OPHN1: variants seen among roughly 807,000 people sequenced by gnomAD.
OPHN1 encodes the protein oligophrenin-1.
A neutral mutation model predicts 60.7 loss-of-function variants in OPHN1; 11 were observed. The observed-to-expected ratio is 0.18, with a 90% CI of 0.11 to 0.30. The LOEUF is 0.30. Ranked by LOEUF, OPHN1 falls within the 10% of genes least tolerant of loss-of-function variation. The pLI, the probability that OPHN1 is intolerant of heterozygous loss-of-function variation, is 1.00. For synonymous variants in OPHN1, 226 were observed against 222.6 expected (o/e 1.02, Z -0.14); for missense variants, 449 against 611.0 (o/e 0.73, Z 2.80).
chrX:68,182,197 T>TTTTG (rs1555950149), intron 15 of OPHN1, among the ~76,000 whole-genome samples: 2 of 97,692 alleles, frequency 2.0e-5, no homozygotes, highest in African/African-American at 7.5e-5. Flanking sequence ...AGTTTTTTTT[T>TTTTG]TTTTTTTTTT....
intron 21 of OPHN1, among the ~76,000 whole-genome samples, chrX:68,055,867 A>G (rs939171703): frequency 1.8e-5 from 2 of 111,061 alleles, no homozygotes; most frequent in Non-Finnish European, 3.8e-5. Context: ...AAAACCAAAC[A>G]CCGCACGTTC....
At chrX:68,160,483 C>T (rs978158947) in intron 15 of OPHN1, among the ~76,000 whole-genome samples, 2 of 111,295 alleles carry the variant, frequency 1.8e-5, no homozygotes, top group African/African-American at 6.5e-5. Flanking sequence ...AACACACATT[C>T]TCCTCAAATA....
intron 4 of OPHN1, among the ~76,000 whole-genome samples, chrX:68,282,737 G>C (rs779865611): frequency 6.8e-4 from 76 of 111,426 alleles, no homozygotes; most frequent in Non-Finnish European, 1.2e-3. Context: ...TTAACAAATG[G>C]ATAATTTGGC....
chrX:68,232,524 G>A (rs2077733624), intron 6 of OPHN1, among the ~76,000 whole-genome samples: 1 of 111,533 alleles, frequency 9.0e-6, no homozygotes. Context: ...GTTTTACTGC[G>A]GGGCTAGTTA....
At chrX:68,369,764 C>T (rs781411341) in intron 2 of OPHN1, among the ~76,000 whole-genome samples, 3 of 108,060 alleles carry the variant, frequency 2.8e-5, no homozygotes, top group Non-Finnish European at 3.8e-5. Flanking sequence ...AAATAATGGC[C>T]AAAAATGTCC....
chrX:68,289,625 G>A (rs1245517457), intron 3 of OPHN1, among the ~76,000 whole-genome samples: 1 of 112,156 alleles, frequency 8.9e-6, no homozygotes, highest in Non-Finnish European at 1.9e-5. Flanking sequence ...CAAGGCAGGA[G>A]GATTGCTCAA....
intron 2 of OPHN1, among the ~76,000 whole-genome samples, chrX:68,390,707 A>C (rs776773376): frequency 1.6e-4 from 18 of 112,205 alleles, no homozygotes; most frequent in South Asian, 7.5e-4. Flanking sequence ...TCAAGACGTA[A>C]ATGGTCCCTG....
chrX:68,343,779 C>G (rs1438631742), intron 2 of OPHN1, among the ~76,000 whole-genome samples: 1 of 111,517 alleles, frequency 9.0e-6, no homozygotes, highest in Non-Finnish European at 1.9e-5. Context: ...TCTTGAATAG[C>G]TCTTGTGACT....
At chrX:68,174,061 T>A (rs1231456201) in intron 15 of OPHN1, among the ~76,000 whole-genome samples, 1 of 111,885 alleles carries the variant, frequency 8.9e-6, no homozygotes, top group Non-Finnish European at 1.9e-5. Context: ...CTTTTGTGAA[T>A]CAATGAACAA....
chrX:68,137,801 A>G (rs2077226943), intron 15 of OPHN1, among the ~76,000 whole-genome samples: 1 of 111,667 alleles, frequency 9.0e-6, no homozygotes, highest in African/African-American at 3.3e-5. Context: ...TATGAGTACC[A>G]TTTTATTAAT....
At chrX:68,251,375 G>A (rs1030428041) in intron 5 of OPHN1, among the ~76,000 whole-genome samples, 17 of 108,006 alleles carry the variant, frequency 1.6e-4, no homozygotes, top group African/African-American at 5.4e-4. Context: ...TAGTAGAGAC[G>A]GGATTTCACC....
At chrX:68,377,242 G>A (rs1268827858) in intron 2 of OPHN1, among the ~76,000 whole-genome samples, 1 of 107,243 alleles carries the variant, frequency 9.3e-6, no homozygotes, top group East Asian at 2.9e-4. Context: ...GACTACAGGC[G>A]CCCGCTACCA....
chrX:68,044,087 A>G lies in OPHN1; in HGVS notation c.*3085T>C, dbSNP rs2076824909. The G allele has an allele frequency of 8.9e-6, 1 of 112,880 alleles. No individual in the cohort carries two copies. Among genetic ancestry groups the G allele is most frequent in the Admixed American group, 9.4e-5 (1 of 10,691 alleles). The allele number at this position is 112,880 out of a possible 1,213,427, so 9.3% of individuals were successfully genotyped here. A position where few individuals can be genotyped will look rare whatever the true frequency, so the allele number is the denominator to read the frequency against. On this transcript the variant is annotated 3_prime_UTR_variant, in exon 25 of 25. Transcript: ENST00000355520. ...ACATTACCAAATGTGCAAGCTGAATATGAAGAGAAAGCCTAACTCAGGAAT... is the reference window on the plus strand; with the variant it reads ...ACATTACCAAATGTGCAAGCTGAATGTGAAGAGAAAGCCTAACTCAGGAAT...
intron 2 of OPHN1, among the ~76,000 whole-genome samples, chrX:68,362,962 T>C (rs921246884): frequency 1.8e-5 from 2 of 111,123 alleles, no homozygotes; most frequent in African/African-American, 6.5e-5. Flanking sequence ...AAAAATAGAA[T>C]CTTGGCTGGG....
At chrX:68,343,770 C>G (rs768232031) in intron 2 of OPHN1, among the ~76,000 whole-genome samples, 2 of 111,507 alleles carry the variant, frequency 1.8e-5, no homozygotes, top group South Asian at 7.6e-4. Context: ...TTTGCCATGT[C>G]TTGAATAGCT....
At chrX:68,248,236 T>C (rs779126193) in intron 5 of OPHN1, among the ~76,000 whole-genome samples, 1 of 110,233 alleles carries the variant, frequency 9.1e-6, no homozygotes, top group African/African-American at 3.3e-5. Flanking sequence ...ACTCAGTGCT[T>C]TCCTATTGAA....
chrX:68,093,501 G>A (rs935342390), intron 19 of OPHN1, among the ~76,000 whole-genome samples: 1 of 111,417 alleles, frequency 9.0e-6, no homozygotes, highest in South Asian at 3.7e-4. Flanking sequence ...CTCCAAAACT[G>A]TTTTCCAGAG....
chrX:68,122,783 G>A (rs1341513030), intron 15 of OPHN1, among the ~76,000 whole-genome samples: 1 of 109,950 alleles, frequency 9.1e-6, no homozygotes, highest in Non-Finnish European at 1.9e-5. Context: ...CAGGCTATTC[G>A]AAAATACACA....
chrX:68,124,467 C>T (rs1353964869), intron 15 of OPHN1, among the ~76,000 whole-genome samples: 1 of 110,350 alleles, frequency 9.1e-6, no homozygotes, highest in African/African-American at 3.3e-5. Context: ...ACTTCAACAC[C>T]CCTACTTTCA....
Sources: gnomAD v4.1 joint callset for allele counts (sites outside exome capture counted in the v4.1 genomes callset) on GRCh38, gnomAD v4.1.1 for gene constraint, MANE v1.5 for transcripts, NCBI Gene and HGNC (gene_info 2026-07-23, HGNC 2026-07-21) for gene names.